Variants in CDH4 observed in about 807,000 individuals in gnomAD.
CDH4 encodes the protein cadherin-4.
In CDH4, 33 loss-of-function variants were observed where a neutral mutation model predicts 86.0. The ratio of observed to expected loss-of-function variants is 0.38; its 90% CI spans 0.29 to 0.51. The LOEUF (loss-of-function observed/expected upper bound fraction) is 0.51. Among genes scored for constraint, CDH4 ranks in the 20% least tolerant of loss-of-function variants. CDH4 has a pLI of 0.86. For synonymous variants in CDH4, 555 were observed against 549.4 expected, an observed-to-expected ratio of 1.01 and a Z score of -0.14; for missense variants, 1,114 against 1,307.4, an observed-to-expected ratio of 0.85 and a Z score of 2.28.
chr20:61,931,998 ACC>A (rs1434914857), intron 13 of CDH4, among the ~76,000 whole-genome samples: 2 of 151,484 alleles, frequency 1.3e-5, no homozygotes, highest in Non-Finnish European at 2.9e-5. Context: ...GACTGACCCC[ACC>A]CCAGGGGCCC....
At chr20:61,704,164 T>C (rs1391772764) in intron 2 of CDH4, among the ~76,000 whole-genome samples, 1 of 152,078 alleles carries the variant, frequency 6.6e-6, no homozygotes, top group Non-Finnish European at 1.5e-5. Flanking sequence ...GCACCTGAAG[T>C]TGCAGTGTTT....
At chr20:61,529,966 T>G (rs933249743) in intron 2 of CDH4, among the ~76,000 whole-genome samples, 2 of 152,204 alleles carry the variant, frequency 1.3e-5, no homozygotes, top group African/African-American at 2.4e-5. Flanking sequence ...GCCTCCCAAA[T>G]AGCTGGGATT....
intron 2 of CDH4, among the ~76,000 whole-genome samples, chr20:61,731,842 C>T (rs977475117): frequency 6.6e-5 from 10 of 152,134 alleles, no homozygotes; most frequent in Admixed American, 2.6e-4. Context: ...CACGAGGACT[C>T]GGGGGCTGCA....
intron 2 of CDH4, among the ~76,000 whole-genome samples, chr20:61,677,419 G>A (rs561628803): frequency 1.7e-4 from 26 of 152,196 alleles, no homozygotes; most frequent in Non-Finnish European, 3.2e-4. Flanking sequence ...CCAGACTCCT[G>A]CCTCACAGCA....
intron 2 of CDH4, among the ~76,000 whole-genome samples, chr20:61,491,900 TATTG>T (rs1394611519): frequency 2.0e-5 from 3 of 152,138 alleles, no homozygotes; most frequent in African/African-American, 7.2e-5. Flanking sequence ...TTGTCAATAT[TATTG>T]ATGCTGGTGG....
chr20:61,330,377 C>T (rs1468501294), intron 2 of CDH4, among the ~76,000 whole-genome samples: 3 of 152,188 alleles, frequency 2.0e-5, no homozygotes. Context: ...TCACCAGCAT[C>T]CACTGTTGTT....
At chr20:61,876,082 A>G (rs1042843039) in intron 7 of CDH4, among the ~76,000 whole-genome samples, 6 of 152,216 alleles carry the variant, frequency 3.9e-5, no homozygotes, top group Non-Finnish European at 7.3e-5. Flanking sequence ...CACACACGTG[A>G]TGCTCCAGAG....
At position 61,807,743 on chromosome 20, in the gene CDH4, C is replaced by T. The variant is rs143849402; in HGVS notation, c.576+34561C>T. On this transcript the variant is annotated intron_variant, in intron 4 of 15. Transcript: ENST00000614565. The surrounding 1 kb of genome is among the most constrained non-coding windows in gnomAD (Gnocchi z 4.5). ...ACAAACCGACTCGGAAAATGCCTGG[C>T]GCCAGTAGGAGGCCCAGCTAGCTGG... Among the ~76,000 whole-genome samples the T allele has an allele frequency of 1.7e-4, 26 of 152,280 alleles. No individual in the cohort carries two copies. Among genetic ancestry groups the T allele is most frequent in the Non-Finnish European group, 3.4e-4 (23 of 68,016 alleles).
At chr20:61,565,858 T>G (rs55913693) in intron 2 of CDH4, among the ~76,000 whole-genome samples, 8,873 of 152,212 alleles carry the variant, frequency 0.058, 742 homozygotes, top group African/African-American at 0.19. Flanking sequence ...TGTCATGAGG[T>G]TGCTGCCGGG....
rs2084997042 is a variant in CDH4, at chr20:61,393,325, G to C, written c.169+138388G>C. Among the ~76,000 whole-genome samples, 1 of 151,678 alleles carries C rather than the reference G, an allele frequency of 6.6e-6. No individual in the cohort carries two copies. The highest frequency in any genetic ancestry group is 2.1e-4 in the South Asian group (1 of 4,762). On this transcript the variant is annotated intron_variant, in intron 2 of 15. Transcript: ENST00000614565. The surrounding 1 kb of genome is among the most constrained non-coding windows in gnomAD (Gnocchi z 4.3). The stretch of plus-strand genomic sequence containing the variant: ...AGGCCCAGCATCCGGTCTTCCAGTG[G>C]TGTGGGGGACAGCAGCCGGGGGGGG...
chr20:61,812,444 G>C (rs1281830256), intron 4 of CDH4, among the ~76,000 whole-genome samples: 1 of 152,112 alleles, frequency 6.6e-6, no homozygotes, highest in East Asian at 1.9e-4. Context: ...GCTGGAGAAG[G>C]GGTTCGCTGC....
chr20:61,668,388 A>G (rs2087350702), intron 2 of CDH4, among the ~76,000 whole-genome samples: 1 of 152,230 alleles, frequency 6.6e-6, no homozygotes, highest in Non-Finnish European at 1.5e-5. Context: ...AAGGAAGCAC[A>G]AAACCCTCTG....
At chr20:61,790,844 C>T (rs1272737703) in intron 4 of CDH4, among the ~76,000 whole-genome samples, 1 of 150,666 alleles carries the variant, frequency 6.6e-6, no homozygotes, top group African/African-American at 2.5e-5. Flanking sequence ...TCCATCCATT[C>T]ATCTCTCTAT....
chr20:61,263,789 C>T (rs1173603144), intron 2 of CDH4, among the ~76,000 whole-genome samples: 1 of 152,068 alleles, frequency 6.6e-6, no homozygotes, highest in East Asian at 1.9e-4. Context: ...TCTGGAGGCT[C>T]CTGGGGAGAA....
chr20:61,895,087 C>T, intron 8 of CDH4, 40 bp downstream of exon 8: 1 of 1,606,528 alleles, frequency 6.2e-7, no homozygotes, highest in Non-Finnish European at 8.5e-7. Context: ...ATGGCCCGTG[C>T]AGGGCAGGAA....
At chr20:61,468,047 T>A (rs961371498) in intron 2 of CDH4, among the ~76,000 whole-genome samples, 1 of 152,194 alleles carries the variant, frequency 6.6e-6, no homozygotes, top group African/African-American at 2.4e-5. Flanking sequence ...GGTGTGGCAG[T>A]GTATGTGGAA....
chr20:61,918,513 AGTCAGGGTGGGG>A (rs1279197364), intron 9 of CDH4, among the ~76,000 whole-genome samples: 1 of 152,138 alleles, frequency 6.6e-6, no homozygotes, highest in East Asian at 1.9e-4. Context: ...GGGGTGGCAG[AGTCAGGGTGGGG>A]GTCATGAACC....
chr20:61,884,723 G>A (rs991149908), intron 7 of CDH4, among the ~76,000 whole-genome samples: 10 of 152,204 alleles, frequency 6.6e-5, no homozygotes, highest in African/African-American at 1.4e-4. Context: ...CTGGGTGCCC[G>A]GGAAATTCAC....
At chr20:61,540,099 T>G (rs908069342) in intron 2 of CDH4, among the ~76,000 whole-genome samples, 1 of 152,100 alleles carries the variant, frequency 6.6e-6, no homozygotes, top group African/African-American at 2.4e-5. Context: ...GAGGGCTGAA[T>G]AGGGTGCATG....
Sources: allele counts gnomAD v4.1 joint callset (sites outside exome capture counted in the v4.1 genomes callset), GRCh38; gene constraint gnomAD v4.1.1; non-coding constraint Gnocchi (gnomAD v3.1); transcripts MANE v1.5; gene names NCBI Gene and HGNC (gene_info 2026-07-23, HGNC 2026-07-21).